Variants in NREP observed in about 807,000 individuals in gnomAD.
NREP encodes the protein neuronal regeneration-related protein.
Under a neutral mutation model 8.6 loss-of-function variants are expected in NREP, and 5 were observed. The ratio of observed to expected loss-of-function variants is 0.58; its 90% CI spans 0.30 to 1.22. The LOEUF (loss-of-function observed/expected upper bound fraction) is 1.22, where lower values mean the gene tolerates loss of function less well. Among genes scored for constraint, NREP ranks in the 50% most tolerant of loss-of-function variants. The pLI is 0.07. For synonymous variants in NREP, 27 were observed against 28.0 expected, an observed-to-expected ratio of 0.96 and a Z score of 0.11; for missense variants, 86 against 82.5, an observed-to-expected ratio of 1.04 and a Z score of -0.17.
At chr5:111,764,641 G>C (rs1016862243) in intron 2 of NREP, among the ~76,000 whole-genome samples, 3 of 152,166 alleles carry the variant, frequency 2.0e-5, no homozygotes, top group Non-Finnish European at 4.4e-5. Context: ...TTTGGATGGG[G>C]ACACAGCCAA....
At chr5:111,946,074 TCACACA>T (rs72097994) in intron 2 of NREP, among the ~76,000 whole-genome samples, 2 of 126,822 alleles carry the variant, frequency 1.6e-5, no homozygotes, top group African/African-American at 5.7e-5. Context: ...GAGATTTTGA[TCACACA>T]CACACACACA....
At chr5:111,815,667 A>G (rs1752369634) in intron 2 of NREP, among the ~76,000 whole-genome samples, 1 of 152,128 alleles carries the variant, frequency 6.6e-6, no homozygotes, top group South Asian at 2.1e-4. Flanking sequence ...CGAAGGTATG[A>G]TTAAGGACAT....
intron 2 of NREP, among the ~76,000 whole-genome samples, chr5:111,819,945 C>T (rs1752478708): frequency 5.9e-5 from 9 of 152,152 alleles, no homozygotes; most frequent in Admixed American, 5.9e-4. Context: ...AAATAAGCCT[C>T]ACTTTCAGTA....
chr5:111,965,745 A>T (rs1237053587), intron 2 of NREP, among the ~76,000 whole-genome samples: 2 of 152,232 alleles, frequency 1.3e-5, no homozygotes, highest in African/African-American at 4.8e-5. Context: ...GTTTGCTAAC[A>T]TCAACAAATA....
intron 2 of NREP, among the ~76,000 whole-genome samples, chr5:111,902,377 A>G (rs1254888157): frequency 2.0e-5 from 3 of 152,176 alleles, no homozygotes; most frequent in Non-Finnish European, 4.4e-5. Flanking sequence ...AGTTGAGCCC[A>G]GATCAGCTGC....
chr5:111,903,284 C>T (rs1581205261), intron 2 of NREP, among the ~76,000 whole-genome samples: 3 of 151,914 alleles, frequency 2.0e-5, no homozygotes, highest in South Asian at 2.1e-4. Flanking sequence ...GGGGTTTCAC[C>T]GTATTGGTCA....
chr5:111,797,682 T>C (rs1751904993), intron 2 of NREP, among the ~76,000 whole-genome samples: 2 of 152,148 alleles, frequency 1.3e-5, no homozygotes, highest in Admixed American at 1.3e-4. Flanking sequence ...TCAAATGAAA[T>C]GAGCCCGCTA....
At chr5:111,956,521 A>G (rs1756324904) in intron 2 of NREP, among the ~76,000 whole-genome samples, 1 of 152,148 alleles carries the variant, frequency 6.6e-6, no homozygotes, top group Admixed American at 6.5e-5. Flanking sequence ...TTTTTAAATC[A>G]AGTGACATGA....
chr5:111,844,398 AAATT>A (rs973643489), intron 2 of NREP, among the ~76,000 whole-genome samples: 1 of 151,744 alleles, frequency 6.6e-6, no homozygotes, highest in African/African-American at 2.4e-5. Flanking sequence ...TATAAACTTC[AAATT>A]AATAATTATT....
At chr5:111,970,310 G>A (rs1360691951) in intron 2 of NREP, among the ~76,000 whole-genome samples, 2 of 151,894 alleles carry the variant, frequency 1.3e-5, no homozygotes, top group African/African-American at 2.4e-5. Flanking sequence ...TTCTTACATC[G>A]CTGTCAAAAT....
chr5:111,899,633 T>C (rs1321984710), intron 2 of NREP, among the ~76,000 whole-genome samples: 1 of 152,176 alleles, frequency 6.6e-6, no homozygotes, highest in East Asian at 1.9e-4. Context: ...AATTCTCCAA[T>C]TAAAAGATAT....
chr5:111,744,573 C>T (rs1468355780), intron 2 of NREP, among the ~76,000 whole-genome samples: 4 of 152,044 alleles, frequency 2.6e-5, no homozygotes, highest in Non-Finnish European at 5.9e-5. Flanking sequence ...AATGGATATG[C>T]CCCTGCACAC....
At chr5:111,939,721 T>C (rs1372225664) in intron 2 of NREP, among the ~76,000 whole-genome samples, 1 of 152,030 alleles carries the variant, frequency 6.6e-6, no homozygotes, top group Non-Finnish European at 1.5e-5. Flanking sequence ...GTTGGTGATT[T>C]TGCTGTTTAA....
intron 2 of NREP, among the ~76,000 whole-genome samples, chr5:111,806,465 A>G (rs1177487610): frequency 1.3e-5 from 2 of 152,216 alleles, no homozygotes; most frequent in Non-Finnish European, 2.9e-5. Flanking sequence ...ATTCTGTCAC[A>G]GTAAATCAGC....
intron 2 of NREP, among the ~76,000 whole-genome samples, chr5:111,864,059 C>T (rs1246185425): frequency 6.6e-6 from 1 of 152,090 alleles, no homozygotes; most frequent in African/African-American, 2.4e-5. Flanking sequence ...TGAAGGAGAA[C>T]TGTCAAGAAG....
intron 2 of NREP, among the ~76,000 whole-genome samples, chr5:111,806,339 A>G (rs1419438833): frequency 1.3e-5 from 2 of 152,022 alleles, no homozygotes; most frequent in African/African-American, 4.8e-5. Flanking sequence ...GTCCCTGAGT[A>G]TCTCCACACA....
intron 2 of NREP, among the ~76,000 whole-genome samples, chr5:111,741,585 T>C (rs1396837544): frequency 6.6e-6 from 1 of 152,160 alleles, no homozygotes; most frequent in Non-Finnish European, 1.5e-5. Flanking sequence ...TCTAGAGACG[T>C]AGTCTTAGAG....
intron 2 of NREP, among the ~76,000 whole-genome samples, chr5:111,853,654 C>T (rs2112471395): frequency 6.6e-6 from 1 of 152,032 alleles, no homozygotes; most frequent in African/African-American, 2.4e-5. Flanking sequence ...CCTATAAAAA[C>T]AACCAAAGTG....
chr5:111,837,230 A>C (rs1234109226), intron 2 of NREP, among the ~76,000 whole-genome samples: 1 of 152,104 alleles, frequency 6.6e-6, no homozygotes, highest in African/African-American at 2.4e-5. Context: ...AGCTTCTTAG[A>C]GAAATTACTG....
Sources: allele counts gnomAD v4.1 joint callset (sites outside exome capture counted in the v4.1 genomes callset), GRCh38; gene constraint gnomAD v4.1.1; transcripts MANE v1.5; gene names NCBI Gene and HGNC (gene_info 2026-07-23, HGNC 2026-07-21).